ABCC4: variants seen among roughly 807,000 people sequenced by gnomAD.
ABCC4 encodes ATP binding cassette subfamily C member 4 (PEL blood group), also known as ATP-binding cassette sub-family C member 4.
A neutral mutation model predicts 168.5 loss-of-function variants in ABCC4; 102 were observed. The ratio of observed to expected loss-of-function variants is 0.61; its 90% CI spans 0.52 to 0.71. The LOEUF is 0.71. Ranked by LOEUF, ABCC4 falls within the 30% of genes least tolerant of loss-of-function variation. The pLI is 0.00. For synonymous variants in ABCC4, 617 were observed against 590.7 expected, an observed-to-expected ratio of 1.04 and a Z score of -0.65; for missense variants, 1,402 against 1,605.8, an observed-to-expected ratio of 0.87 and a Z score of 2.17.
chr13:95,144,084 T>C (rs2036407760), intron 19 of ABCC4, among the ~76,000 whole-genome samples: 1 of 152,100 alleles, frequency 6.6e-6, no homozygotes, highest in African/African-American at 2.4e-5. Flanking sequence ...GATAAACGCA[T>C]CCATTAGATA....
chr13:95,279,824 G>A (rs752878146), intron 1 of ABCC4, among the ~76,000 whole-genome samples: 2 of 152,098 alleles, frequency 1.3e-5, no homozygotes, highest in African/African-American at 4.8e-5. Flanking sequence ...CCATGTTCAC[G>A]AGCTCCTGGA....
chr13:95,178,577 C>A (rs1336615101), intron 11 of ABCC4, among the ~76,000 whole-genome samples: 11 of 152,182 alleles, frequency 7.2e-5, no homozygotes, highest in Non-Finnish European at 1.6e-4. Context: ...AGGGGATGGA[C>A]TGGCTGGCAC....
intron 29 of ABCC4, among the ~76,000 whole-genome samples, chr13:95,036,686 C>T (rs1172802163): frequency 1.3e-5 from 2 of 152,046 alleles, no homozygotes; most frequent in African/African-American, 4.8e-5. Flanking sequence ...AGAACCATGA[C>T]CTTAATAATT....
chr13:95,278,144 C>G (rs933830767), intron 1 of ABCC4, among the ~76,000 whole-genome samples: 4 of 152,132 alleles, frequency 2.6e-5, no homozygotes, highest in African/African-American at 9.7e-5. Context: ...GATGTCTGCT[C>G]AAGTGGAGAT....
chr13:95,039,810 T>C (rs981996906), intron 29 of ABCC4, among the ~76,000 whole-genome samples: 3 of 152,120 alleles, frequency 2.0e-5, no homozygotes, highest in African/African-American at 7.2e-5. Context: ...AGTGGGGTGA[T>C]CTCAGGAACA....
intron 29 of ABCC4, among the ~76,000 whole-genome samples, chr13:95,035,725 A>G (rs1296314362): frequency 6.6e-6 from 1 of 152,194 alleles, no homozygotes; most frequent in Admixed American, 6.5e-5. Flanking sequence ...TAATGGTTTC[A>G]GAGGGAAGAA....
chr13:95,042,519 G>T (rs1277375618), intron 29 of ABCC4, among the ~76,000 whole-genome samples: 1 of 152,184 alleles, frequency 6.6e-6, no homozygotes, highest in East Asian at 1.9e-4. Context: ...GTAGGGAGGG[G>T]CCAACTGTAA....
chr13:95,290,705 CAAAAAAAAAAAAAAAA>C (rs55933951), intron 1 of ABCC4, among the ~76,000 whole-genome samples: 1 of 56,046 alleles, frequency 1.8e-5, no homozygotes, highest in South Asian at 6.8e-4. Context: ...AACTCTGTCT[CAAAAAAAAAAAAAAAA>C]AAAAAAAAAA....
chr13:95,150,133 A>G (rs750028875), intron 19 of ABCC4, among the ~76,000 whole-genome samples: 2 of 152,100 alleles, frequency 1.3e-5, no homozygotes, highest in Non-Finnish European at 2.9e-5. Flanking sequence ...ACCACTGTGC[A>G]CAGCTAATTT....
At chr13:95,229,661 T>C (rs535335803) in intron 4 of ABCC4, among the ~76,000 whole-genome samples, 5 of 152,326 alleles carry the variant, frequency 3.3e-5, no homozygotes, top group African/African-American at 1.2e-4. Context: ...TATTTGATAA[T>C]ACAAAAGCTG....
chr13:95,135,684 G>C (rs2036123506), intron 19 of ABCC4, among the ~76,000 whole-genome samples: 1 of 152,102 alleles, frequency 6.6e-6, no homozygotes, highest in Admixed American at 6.5e-5. Flanking sequence ...GAAGTGCTGG[G>C]ATTATAGGCA....
At chr13:95,267,817 T>C (rs988300907) in intron 1 of ABCC4, among the ~76,000 whole-genome samples, 1 of 152,082 alleles carries the variant, frequency 6.6e-6, no homozygotes, top group Non-Finnish European at 1.5e-5. Context: ...CAAAGACCAA[T>C]CCTGTGATGA....
At chr13:95,053,016 A>C in intron 27 of ABCC4, 79 bp downstream of exon 27, 1 of 1,279,190 alleles carries the variant, frequency 7.8e-7, no homozygotes, top group Non-Finnish European at 1.1e-6. Flanking sequence ...AGCTCCTCTT[A>C]ATTTCCTGCA....
chr13:95,045,676 A>C (rs903305941), intron 27 of ABCC4, among the ~76,000 whole-genome samples: 1 of 152,138 alleles, frequency 6.6e-6, no homozygotes, highest in Non-Finnish European at 1.5e-5. Flanking sequence ...GTTTTGGAGA[A>C]ATTTTATAGA....
intron 21 of ABCC4, among the ~76,000 whole-genome samples, chr13:95,082,736 A>G (rs1189438): frequency 0.84 from 128,407 of 152,132 alleles, 55,923 homozygotes; most frequent in Non-Finnish European, 0.95. Context: ...GGGGAAAGAT[A>G]CTAAAATACC....
intron 9 of ABCC4, among the ~76,000 whole-genome samples, chr13:95,189,418 G>A (rs1281285681): frequency 2.0e-5 from 3 of 152,108 alleles, no homozygotes; most frequent in Non-Finnish European, 4.4e-5. Context: ...ACCGCGCCCG[G>A]CAATATTCTT....
Position 95,166,367 on chromosome 13 carries a change from C to T in ABCC4, c.1825G>A (p.Gly609Ser), listed in dbSNP as rs2037272320. The T allele has an allele frequency of 6.2e-7, 1 of 1,609,406 alleles. No homozygotes were observed. The highest frequency in any genetic ancestry group is 2.2e-5 in the East Asian group (1 of 44,844). Residue 609 changes from glycine (G) to serine (S), a missense_variant and splice_region_variant, in exon 15 of 31, where the codon GGT (glycine) becomes AGT (serine). Physicochemically the swap from Gly to Ser is moderately conservative, Grantham distance 56 (BLOSUM62 0). This residue lies in a region of ABCC4 where 1,007 missense variants were observed against 1,127.3 expected (regional missense o/e 0.89). Coordinates refer to ENST00000645237, the MANE Select transcript of ABCC4 (RefSeq NM_005845.5). ...TAAGTCCCCTTCTGCACCATTTTAC[C>T]CTAAAATAAAAATAAAGAATTTCAG... is the stretch of plus-strand genomic sequence containing the variant. ...AASQILILKDGKMVQKGTYTE... is the reference protein window; with the variant it reads ...AASQILILKDSKMVQKGTYTE...
chr13:95,079,164 G>A (rs1405317478), intron 21 of ABCC4, among the ~76,000 whole-genome samples: 1 of 152,192 alleles, frequency 6.6e-6, no homozygotes, highest in Non-Finnish European at 1.5e-5. Flanking sequence ...CAACTAACTA[G>A]TACCGAGGGA....
intron 3 of ABCC4, among the ~76,000 whole-genome samples, chr13:95,239,498 G>C (rs1486097295): frequency 1.3e-5 from 2 of 152,162 alleles, no homozygotes; most frequent in Non-Finnish European, 2.9e-5. Flanking sequence ...TAAAACATCT[G>C]TCATACCAGA....
Sources: gnomAD v4.1 joint callset for allele counts (sites outside exome capture counted in the v4.1 genomes callset) on GRCh38, gnomAD v4.1.1 for gene constraint, gnomAD v4.1.1 regional missense constraint, MANE v1.5 for transcripts, NCBI Gene and HGNC (gene_info 2026-07-23, HGNC 2026-07-21) for gene names.